Variants in ANO10 observed in about 807,000 individuals in gnomAD.
ANO10 encodes anoctamin 10.
Under a neutral mutation model 74.7 loss-of-function variants are expected in ANO10, and 77 were observed. That is an observed-to-expected ratio of 1.03 (90% confidence interval 0.86 to 1.25). The LOEUF (loss-of-function observed/expected upper bound fraction) is 1.25, where lower values mean the gene tolerates loss of function less well. Ranked by LOEUF, ANO10 falls within the 50% of genes most tolerant of loss-of-function variation. The pLI is 0.00. For missense variants in ANO10, 721 were observed against 778.1 expected (o/e 0.93, Z 0.87); for synonymous variants, 279 against 284.9 (o/e 0.98, Z 0.21).
intron 11 of ANO10, among the ~76,000 whole-genome samples, chr3:43,505,319 G>A (rs927750208): frequency 6.6e-6 from 1 of 152,134 alleles, no homozygotes; most frequent in African/African-American, 2.4e-5. Context: ...CTTTTTCTAT[G>A]AGAAAATAAG....
intron 7 of ANO10, among the ~76,000 whole-genome samples, chr3:43,568,863 C>T (rs1252419099): frequency 3.3e-5 from 5 of 150,124 alleles, no homozygotes; most frequent in South Asian, 2.1e-4. Context: ...GATAGAGACA[C>T]AAAAAACCCT....
chr3:43,676,836 T>A (rs2084128789), intron 1 of ANO10, among the ~76,000 whole-genome samples: 1 of 148,972 alleles, frequency 6.7e-6, no homozygotes, highest in Non-Finnish European at 1.5e-5. Flanking sequence ...ATTAACCAGA[T>A]AATTTTTTTT....
At chr3:43,567,970 A>C (rs1292379579) in intron 7 of ANO10, among the ~76,000 whole-genome samples, 2 of 152,198 alleles carry the variant, frequency 1.3e-5, no homozygotes, top group East Asian at 3.9e-4. Flanking sequence ...ACAGGCTCAA[A>C]ATAAAAGGAT....
rs1374933219 is a variant in ANO10 at position 43,366,227 on chromosome 3, C to T, written c.*679G>A. 1.9e-5 allele frequency: 3 copies of T among 154,502 alleles called. No individual in the cohort carries two copies. Among genetic ancestry groups the T allele is most frequent in the African/African-American group, 7.2e-5 (3 of 41,482 alleles). The allele number at this position is 154,502 out of a possible 1,614,324, so 9.6% of individuals were successfully genotyped here. ...AGCTACAAGCTTTGGTGCCTGGCCT[C>T]CAGCCAAGCCCCTCACCCTGGGCTC... On this transcript the variant is annotated 3_prime_UTR_variant, in exon 13 of 13. Coordinates refer to ENST00000292246, the MANE Select transcript of ANO10 (RefSeq NM_018075.5).
At chr3:43,486,138 T>C (rs1370092171) in intron 11 of ANO10, among the ~76,000 whole-genome samples, 4 of 152,274 alleles carry the variant, frequency 2.6e-5, no homozygotes, top group African/African-American at 9.6e-5. Flanking sequence ...TGGGAGAGAT[T>C]GAGTCTGACA....
intron 11 of ANO10, among the ~76,000 whole-genome samples, chr3:43,451,598 G>C (rs1017756633): frequency 6.6e-6 from 1 of 151,792 alleles, no homozygotes; most frequent in Non-Finnish European, 1.5e-5. Flanking sequence ...CTTTGTCTAG[G>C]TGGTGGTGGT....
chr3:43,519,739 G>A (rs1388039715), intron 11 of ANO10, among the ~76,000 whole-genome samples: 1 of 152,140 alleles, frequency 6.6e-6, no homozygotes, highest in Admixed American at 6.6e-5. Flanking sequence ...TCTCGGGCCA[G>A]GATCATGCTG....
At chr3:43,667,869 C>T (rs1420547188) in intron 1 of ANO10, among the ~76,000 whole-genome samples, 1 of 152,166 alleles carries the variant, frequency 6.6e-6, no homozygotes, top group African/African-American at 2.4e-5. Flanking sequence ...GTTGGTTCTA[C>T]ATCTTTACAA....
chr3:43,643,678 CTTTTCTTT>C lies in ANO10; in HGVS notation c.-11-37823_-11-37816del, dbSNP rs1416960366. Reference sequence around the variant, plus strand: ...AAGCTTTTCATGTACTTGTCCTCATCTTTTCTTTTTTTTTTTTTTTTTTTAGATGGAGT... The same window carrying C: ...AAGCTTTTCATGTACTTGTCCTCATCTTTTTTTTTTTTTTTTAGATGGAGT... On this transcript the variant is annotated intron_variant, in intron 1 of 3. Coordinates refer to the ANO10 transcript ENST00000413397. Among the ~76,000 whole-genome samples, 12 of 133,622 alleles carry C rather than the reference CTTTTCTTT, an allele frequency of 9.0e-5. 1 individual carries two copies. The highest frequency in any genetic ancestry group is 3.1e-5 in the African/African-American group (1 of 32,080). 87.7% of individuals were successfully genotyped at this position (133,622 alleles called of 152,430 possible).
intron 1 of ANO10, among the ~76,000 whole-genome samples, chr3:43,659,287 A>G (rs2149572164): frequency 6.6e-6 from 1 of 152,250 alleles, no homozygotes; most frequent in South Asian, 2.1e-4. Flanking sequence ...GGGTCGGGGC[A>G]TTTCCCTTTC....
chr3:43,647,522 C>G (rs963862083), intron 1 of ANO10, among the ~76,000 whole-genome samples: 4 of 152,126 alleles, frequency 2.6e-5, no homozygotes, highest in Non-Finnish European at 5.9e-5. Flanking sequence ...GCAAATTCCT[C>G]TCTACTCAGA....
chr3:43,485,345 C>G, intron 11 of ANO10: 1 of 497,044 alleles, frequency 2.0e-6, no homozygotes, highest in Admixed American at 3.3e-5. Context: ...GCTGTGCTCC[C>G]CATCCAGGGA....
At chr3:43,368,917 T>C (rs528384665) in intron 12 of ANO10, among the ~76,000 whole-genome samples, 3 of 152,232 alleles carry the variant, frequency 2.0e-5, no homozygotes, top group Non-Finnish European at 4.4e-5. Flanking sequence ...TGCAGCCACA[T>C]TTCCCTGGCA....
intron 12 of ANO10, among the ~76,000 whole-genome samples, chr3:43,412,102 A>G (rs1476573919): frequency 6.7e-6 from 1 of 149,382 alleles, no homozygotes; most frequent in African/African-American, 2.4e-5. Flanking sequence ...CCAAATAATA[A>G]GGCTATCTGG....
In ANO10 at chr3:43,571,841, AAAAG is replaced by A. The variant is rs1449743493; in HGVS notation, c.1218+2964_1218+2967del. On this transcript the variant is annotated intron_variant, in intron 7 of 12. Transcript: ENST00000292246. ...CCTAAAACTTAAAGTATAAAAAAAA[AAAAG>A]AAGTATTTTCCTACATTAAAAAAAA... 6.8e-4 allele frequency among the ~76,000 whole-genome samples: 102 copies of A among 149,674 alleles called. 1 individual carries two copies. Among genetic ancestry groups the A allele is most frequent in the African/African-American group, 2.4e-3 (98 of 40,738 alleles).
chr3:43,590,081 T>C (rs1484816322), intron 4 of ANO10, among the ~76,000 whole-genome samples: 1 of 152,192 alleles, frequency 6.6e-6, no homozygotes, highest in Non-Finnish European at 1.5e-5. Context: ...CATGTATTAT[T>C]TTTTAAATTG....
chr3:43,553,579 C>T (rs932836288), intron 10 of ANO10, among the ~76,000 whole-genome samples: 3 of 149,148 alleles, frequency 2.0e-5, no homozygotes, highest in Non-Finnish European at 3.0e-5. Context: ...CACTGTTGCT[C>T]GGGCTGGAGT....
intron 11 of ANO10, among the ~76,000 whole-genome samples, chr3:43,524,550 G>A (rs936958703): frequency 6.6e-6 from 1 of 152,138 alleles, no homozygotes; most frequent in Non-Finnish European, 1.5e-5. Context: ...ATGATTATGT[G>A]TTGCACAGTT....
intron 1 of ANO10, among the ~76,000 whole-genome samples, chr3:43,654,527 C>G (rs2083825199): frequency 6.6e-6 from 1 of 152,218 alleles, no homozygotes; most frequent in African/African-American, 2.4e-5. Context: ...ACTACAAATG[C>G]TTCTCATTAA....
Sources: gnomAD v4.1 joint callset for allele counts (sites outside exome capture counted in the v4.1 genomes callset) on GRCh38, gnomAD v4.1.1 for gene constraint, MANE v1.5 for transcripts, NCBI Gene and HGNC (gene_info 2026-07-23, HGNC 2026-07-21) for gene names.